The following GSE1 variants were observed in gnomAD, a reference collection of about 807,000 sequenced individuals.
The protein encoded by GSE1 is Gse1 coiled-coil protein, also known as genetic suppressor element 1.
In GSE1, 32 loss-of-function variants were observed where a neutral mutation model predicts 112.6. The observed-to-expected ratio is 0.28, with a 90% CI of 0.21 to 0.38. The LOEUF is 0.38. GSE1 is among the 10% of genes least tolerant of loss of function. GSE1 has a pLI of 1.00. For synonymous variants in GSE1, 1,115 were observed against 735.6 expected, an observed-to-expected ratio of 1.52 and a Z score of -8.35; for missense variants, 2,348 against 1,699.2, an observed-to-expected ratio of 1.38 and a Z score of -6.71.
At chr16:85,570,351 T>C (rs901930381) in intron 1 of GSE1, among the ~76,000 whole-genome samples, 6 of 152,178 alleles carry the variant, frequency 3.9e-5, no homozygotes, top group Non-Finnish European at 5.9e-5. Context: ...TTGACCCGCC[T>C]CTGCCAGGGA....
exon 1 of GSE1, chr16:85,169,907 G>A (rs2074330496): frequency 1.0e-6 from 1 of 984,396 alleles, no homozygotes; most frequent in Non-Finnish European, 1.2e-6. Flanking sequence ...GCAGGCGGCC[G>A]CCGTGGCGGC....
chr16:85,613,309 G>A (rs1318362939), upstream of GSE1: 1 of 1,545,020 alleles, frequency 6.5e-7, no homozygotes, highest in African/African-American at 1.4e-5. Flanking sequence ...GAGCAGCCCC[G>A]GGTGAGATAA....
intron 1 of GSE1, among the ~76,000 whole-genome samples, chr16:85,336,847 C>T (rs891894559): frequency 2.0e-5 from 3 of 152,368 alleles, no homozygotes; most frequent in Middle Eastern, 3.4e-3. Context: ...TGCCAAAATA[C>T]ATGCATGAAC....
At chr16:85,600,806 C>T (rs1055691498) in intron 1 of GSE1, among the ~76,000 whole-genome samples, 1 of 152,124 alleles carries the variant, frequency 6.6e-6, no homozygotes, top group Non-Finnish European at 1.5e-5. Flanking sequence ...AGGAGGTTCC[C>T]GCATCCTTTT....
chr16:85,574,778 CT>C (rs2046151303), intron 1 of GSE1, among the ~76,000 whole-genome samples: 1 of 152,258 alleles, frequency 6.6e-6, no homozygotes, highest in Non-Finnish European at 1.5e-5. Flanking sequence ...TTCAGGTCCC[CT>C]GGGTCTCCTC....
rs552064279 is a variant in GSE1 at position 85,249,684 on chromosome 16, G to A, written c.2283+77877G>A. The stretch of plus-strand genomic sequence containing the variant: ...GGGCAGGCCTGGTCCTGGGGCTCCC[G>A]TTGTCCAGCTGTCCCCGCAGCAGGA... On this transcript the variant is annotated intron_variant, in intron 1 of 2. Coordinates refer to the GSE1 transcript ENST00000637419. Among the ~76,000 whole-genome samples, 98 of 152,314 alleles carry A rather than the reference G, an allele frequency of 6.4e-4. 1 individual carries two copies. Among genetic ancestry groups the A allele is most frequent in the Admixed American group, 3.5e-3 (54 of 15,310 alleles).
intron 1 of GSE1, among the ~76,000 whole-genome samples, chr16:85,307,049 C>A (rs896426215): frequency 6.6e-6 from 1 of 151,442 alleles, no homozygotes; most frequent in African/African-American, 2.4e-5. Context: ...GAAGTGTCCA[C>A]GAGGCTGGGC....
chr16:85,342,819 G>T (rs1297143482), intron 1 of GSE1, among the ~76,000 whole-genome samples: 3 of 151,626 alleles, frequency 2.0e-5, no homozygotes, highest in African/African-American at 7.3e-5. Flanking sequence ...CAGGTGCCTA[G>T]CAAATGGGGC....
At chr16:85,591,272 G>A (rs1323574259) in intron 1 of GSE1, among the ~76,000 whole-genome samples, 1 of 152,160 alleles carries the variant, frequency 6.6e-6, no homozygotes, top group Non-Finnish European at 1.5e-5. Flanking sequence ...GCCCCTGGAG[G>A]TACCCAGGAG....
intron 2 of GSE1, among the ~76,000 whole-genome samples, chr16:85,505,012 C>T (rs562861334): frequency 2.0e-5 from 2 of 100,336 alleles, no homozygotes; most frequent in African/African-American, 9.0e-5. Flanking sequence ...CATGTGCACA[C>T]ACATGTGCAC....
At chr16:85,450,858 C>G (rs1171709385) in intron 2 of GSE1, among the ~76,000 whole-genome samples, 1 of 151,994 alleles carries the variant, frequency 6.6e-6, no homozygotes, top group Non-Finnish European at 1.5e-5. Flanking sequence ...GTTAGGCGTT[C>G]GAGACCAGCC....
intron 1 of GSE1, among the ~76,000 whole-genome samples, chr16:85,577,311 G>T (rs2046268394): frequency 6.6e-6 from 1 of 152,228 alleles, no homozygotes; most frequent in African/African-American, 2.4e-5. Flanking sequence ...GGAGGACGCG[G>T]TCCTCTCAGG....
intron 1 of GSE1, among the ~76,000 whole-genome samples, chr16:85,288,284 C>A (rs2045101589): frequency 6.6e-6 from 1 of 152,138 alleles, no homozygotes; most frequent in Non-Finnish European, 1.5e-5. Context: ...AGCCCCCCTA[C>A]GCACTTTGAC....
intron 1 of GSE1, among the ~76,000 whole-genome samples, chr16:85,199,855 G>A (rs1477264283): frequency 6.6e-6 from 1 of 152,136 alleles, no homozygotes; most frequent in African/African-American, 2.4e-5. Flanking sequence ...GCTGGTGGCT[G>A]GGAGAGCAGG....
chr16:85,477,573 T>G (rs1194825467), intron 2 of GSE1, among the ~76,000 whole-genome samples: 2 of 150,056 alleles, frequency 1.3e-5, no homozygotes, highest in African/African-American at 4.9e-5. Flanking sequence ...TTTGTTTTTT[T>G]TTTTTGAGAT....
At chr16:85,530,068 C>G (rs1261786300) in intron 2 of GSE1, among the ~76,000 whole-genome samples, 1 of 152,224 alleles carries the variant, frequency 6.6e-6, no homozygotes. Context: ...CTGATTGGAA[C>G]CAGCTCTTGA....
rs148714061 is a variant in GSE1, at chr16:85,290,276, C to G, written c.2284-67187C>G. ...CTGCCCTGCCTCAGCAGACCCGGGCCCCTGCCATCTTCTCATCACAAGGCC... is the reference window on the plus strand; with the variant it reads ...CTGCCCTGCCTCAGCAGACCCGGGCGCCTGCCATCTTCTCATCACAAGGCC... On this transcript the variant is annotated intron_variant, in intron 1 of 2. Transcript: ENST00000637419. 1.4e-3 allele frequency among the ~76,000 whole-genome samples: 214 copies of G among 152,336 alleles called. 3 individuals carry two copies. The highest frequency in any genetic ancestry group is 9.4e-4 in the Non-Finnish European group (64 of 68,032).
chr16:85,478,385 G>A (rs1334508741), intron 2 of GSE1, among the ~76,000 whole-genome samples: 1 of 152,026 alleles, frequency 6.6e-6, no homozygotes, highest in African/African-American at 2.4e-5. Context: ...AAATTAGCCA[G>A]GTATGGTTGC....
chr16:85,627,475 T>A (rs1234217399), intron 1 of GSE1, among the ~76,000 whole-genome samples: 1 of 151,168 alleles, frequency 6.6e-6, no homozygotes, highest in East Asian at 2.0e-4. Context: ...GGTGTCTGGC[T>A]GTGGCAGCTT....
Sources: allele counts gnomAD v4.1 joint callset (sites outside exome capture counted in the v4.1 genomes callset), GRCh38; gene constraint gnomAD v4.1.1; transcripts MANE v1.5; gene names NCBI Gene and HGNC (gene_info 2026-07-23, HGNC 2026-07-21).